Variants in SNX3 observed in about 807,000 individuals in gnomAD.
SNX3 encodes the protein sorting nexin-3.
Under a neutral mutation model 17.7 loss-of-function variants are expected in SNX3, and 5 were observed. That is an observed-to-expected ratio of 0.28 (90% CI 0.15 to 0.59). The LOEUF (loss-of-function observed/expected upper bound fraction) is 0.59. Among genes scored for constraint, SNX3 ranks in the 20% least tolerant of loss-of-function variants. SNX3 has a pLI of 0.88. For synonymous variants in SNX3, 91 were observed against 76.5 expected, an observed-to-expected ratio of 1.19 and a Z score of -0.99; for missense variants, 132 against 206.8, an observed-to-expected ratio of 0.64 and a Z score of 2.22.
In SNX3 at chr6:108,211,258, T is replaced by TA. The variant is rs144702850; in HGVS notation, c.*890dup. On this transcript the variant is annotated 3_prime_UTR_variant, in exon 4 of 4. Coordinates refer to ENST00000230085, the MANE Select transcript of SNX3 (RefSeq NM_003795.6). ...AAAGTCCTTTTAATAAATGAGATTA[T>TA]AAAGCAGTTTTCAAATACACAAAGT... is the stretch of plus-strand genomic sequence containing the variant. 7.7e-3 allele frequency: 1,171 copies of TA among 152,338 alleles called. 16 individuals are homozygous for TA. Among genetic ancestry groups the TA allele is most frequent in the African/African-American group, 0.027 (1,116 of 41,576 alleles). 9.4% of individuals were successfully genotyped at this position (152,338 alleles called of 1,614,324 possible).
intron 1 of SNX3, among the ~76,000 whole-genome samples, chr6:108,242,406 G>A (rs918105829): frequency 2.6e-5 from 4 of 152,048 alleles, no homozygotes; most frequent in African/African-American, 7.2e-5. Flanking sequence ...GCAAAATCTT[G>A]AATACAGTGG....
intron 2 of SNX3, among the ~76,000 whole-genome samples, chr6:108,215,885 T>C (rs1245901874): frequency 1.3e-5 from 2 of 151,904 alleles, no homozygotes; most frequent in African/African-American, 4.8e-5. Context: ...TGAACTAAAA[T>C]GTCGCTGCAC....
chr6:108,251,603 T>C (rs940203189), intron 1 of SNX3, among the ~76,000 whole-genome samples: 1 of 152,204 alleles, frequency 6.6e-6, no homozygotes, highest in African/African-American at 2.4e-5. Flanking sequence ...CCCTGGACTG[T>C]ACCTGAAACC....
chr6:108,241,773 C>T (rs1001875510), intron 1 of SNX3, among the ~76,000 whole-genome samples: 25 of 152,152 alleles, frequency 1.6e-4, no homozygotes, highest in African/African-American at 5.6e-4. Flanking sequence ...CTAAAATGTT[C>T]AGTTTAACAA....
intron 1 of SNX3, among the ~76,000 whole-genome samples, chr6:108,249,047 G>A (rs746850841): frequency 3.3e-5 from 5 of 152,098 alleles, no homozygotes; most frequent in Admixed American, 3.3e-4. Flanking sequence ...TACATAGGGG[G>A]TTAACATGTA....
chr6:108,256,106 T>G (rs1265121864), intron 1 of SNX3, among the ~76,000 whole-genome samples: 3 of 152,092 alleles, frequency 2.0e-5, no homozygotes, highest in African/African-American at 7.2e-5. Context: ...GGTATGCGCC[T>G]GTGGTCCCAG....
rs138894873 is a variant in SNX3, at chr6:108,246,919, A to G, written c.162+13841T>C. 3.2e-4 allele frequency among the ~76,000 whole-genome samples: 49 copies of G among 152,276 alleles called. 1 individual carries two copies. Among genetic ancestry groups the G allele is most frequent in the African/African-American group, 1.1e-3 (46 of 41,566 alleles). On this transcript the variant is annotated intron_variant, in intron 1 of 3. Transcript: ENST00000230085. ...AAAGATCATCAGAGTTTAGCATGGG[A>G]AAAGAGCAGGTAGACTTTCTTAGCT...
At chr6:108,258,644 G>A (rs1776100557) in intron 1 of SNX3, among the ~76,000 whole-genome samples, 2 of 151,734 alleles carry the variant, frequency 1.3e-5, no homozygotes, top group Non-Finnish European at 2.9e-5. Flanking sequence ...GGAGTAGCTG[G>A]GACCTCAGGG....
At chr6:108,237,053 C>A (rs1775367402) in intron 1 of SNX3, among the ~76,000 whole-genome samples, 1 of 152,164 alleles carries the variant, frequency 6.6e-6, no homozygotes, top group African/African-American at 2.4e-5. Flanking sequence ...AACTCTTTGT[C>A]TAAGAATCCC....
intron 3 of SNX3, among the ~76,000 whole-genome samples, chr6:108,214,026 A>G (rs572765255): frequency 1.1e-4 from 17 of 152,350 alleles, no homozygotes; most frequent in Admixed American, 3.3e-4. Flanking sequence ...AAAGTAAAAA[A>G]GAAACAATCC....
chr6:108,212,882 C>CTTTT (rs776376957), intron 3 of SNX3, among the ~76,000 whole-genome samples: 7 of 118,948 alleles, frequency 5.9e-5, no homozygotes, highest in Admixed American at 9.0e-5. Flanking sequence ...TCCTAAGAAT[C>CTTTT]TTTTTTTTTT....
intron 1 of SNX3, among the ~76,000 whole-genome samples, chr6:108,248,338 C>A (rs1775752911): frequency 6.6e-6 from 1 of 152,196 alleles, no homozygotes. Flanking sequence ...ACAGACAGTT[C>A]ATAAATGTTC....
At chr6:108,230,579 T>C (rs976870532) in intron 1 of SNX3, among the ~76,000 whole-genome samples, 1 of 152,208 alleles carries the variant, frequency 6.6e-6, no homozygotes, top group African/African-American at 2.4e-5. Context: ...AGGTATATAC[T>C]AGTAAATGCT....
At chr6:108,245,306 C>T (rs186240539) in intron 1 of SNX3, among the ~76,000 whole-genome samples, 100 of 152,278 alleles carry the variant, frequency 6.6e-4, no homozygotes, top group Non-Finnish European at 1.0e-3. Flanking sequence ...TTTTTTATGG[C>T]TGCATAGTAT....
At chr6:108,260,734 T>G (rs1776167002) in intron 1 of SNX3, 26 bp downstream of exon 1, 2 of 1,612,976 alleles carry the variant, frequency 1.2e-6, no homozygotes, top group Admixed American at 3.3e-5. Context: ...GAGGGGTTTC[T>G]TGGGAGAGGG....
In SNX3 at chr6:108,260,965, T is replaced by G. The variant is rs772896682; in HGVS notation, c.-44A>C. 9 of 1,465,978 alleles carry G rather than the reference T, an allele frequency of 6.1e-6. No individual in the cohort carries two copies. The highest frequency in any genetic ancestry group is 3.0e-5 in the African/African-American group (2 of 66,960). The allele number at this position is 1,465,978 out of a possible 1,614,324, so 90.8% of individuals were successfully genotyped here. A position where few individuals can be genotyped will look rare whatever the true frequency, so the allele number is the denominator to read the frequency against. ...GCCGCCGCGGGCTCCCTCCGCCCCCTCCGCGTTCAGCCGCCGCCGCCGCCG... is the reference window on the plus strand; with the variant it reads ...GCCGCCGCGGGCTCCCTCCGCCCCCGCCGCGTTCAGCCGCCGCCGCCGCCG... On this transcript the variant is annotated 5_prime_UTR_variant, in exon 1 of 4. Coordinates refer to ENST00000230085, the MANE Select transcript of SNX3 (RefSeq NM_003795.6).
chr6:108,245,318 C>G (rs189328410), intron 1 of SNX3, among the ~76,000 whole-genome samples: 1 of 152,248 alleles, frequency 6.6e-6, no homozygotes, highest in Admixed American at 6.5e-5. Flanking sequence ...GCATAGTATT[C>G]CACGGTATAT....
intron 1 of SNX3, among the ~76,000 whole-genome samples, chr6:108,255,811 CAT>C (rs1554263583): frequency 6.6e-6 from 1 of 152,122 alleles, no homozygotes; most frequent in African/African-American, 2.4e-5. Context: ...GAGGAAAAAA[CAT>C]ATACAAGTTT....
At chr6:108,257,371 G>A (rs952656052) in intron 1 of SNX3, among the ~76,000 whole-genome samples, 1 of 152,082 alleles carries the variant, frequency 6.6e-6, no homozygotes, top group Non-Finnish European at 1.5e-5. Context: ...TAAAAAATTA[G>A]CCAGGTATAG....
Sources: allele counts gnomAD v4.1 joint callset (sites outside exome capture counted in the v4.1 genomes callset), GRCh38; gene constraint gnomAD v4.1.1; transcripts MANE v1.5; gene names NCBI Gene and HGNC (gene_info 2026-07-23, HGNC 2026-07-21).